Variants in DPP10 observed in about 807,000 individuals in gnomAD.
The protein encoded by DPP10 is dipeptidyl peptidase like 10.
In DPP10, 33 loss-of-function variants were observed where a neutral mutation model predicts 120.9. The ratio of observed to expected loss-of-function variants is 0.27; its 90% CI spans 0.21 to 0.37. The LOEUF is 0.37. DPP10 is among the 10% of genes least tolerant of loss of function. The pLI is 1.00. For missense variants in DPP10, 816 were observed against 942.8 expected (o/e 0.87, Z 1.76); for synonymous variants, 337 against 326.1 (o/e 1.03, Z -0.36).
At chr2:114,702,561 G>C (rs1482752193) in intron 1 of DPP10, among the ~76,000 whole-genome samples, 3 of 152,024 alleles carry the variant, frequency 2.0e-5, no homozygotes, top group Non-Finnish European at 2.9e-5. Context: ...ATGCTGCCCT[G>C]TTACCTCGTA....
chr2:115,459,675 G>C (rs1245553220), intron 3 of DPP10, among the ~76,000 whole-genome samples: 1 of 151,694 alleles, frequency 6.6e-6, no homozygotes, highest in Non-Finnish European at 1.5e-5. Context: ...GGAAATTTGG[G>C]CCATGTAAAG....
chr2:115,537,567 T>TG (rs1217750642), intron 5 of DPP10, among the ~76,000 whole-genome samples: 11 of 150,824 alleles, frequency 7.3e-5, no homozygotes, highest in Admixed American at 3.3e-4. Flanking sequence ...ATCACTGTTT[T>TG]TTTTTTTTTT....
intron 1 of DPP10, among the ~76,000 whole-genome samples, chr2:115,084,604 T>C (rs991098278): frequency 8.5e-5 from 13 of 152,182 alleles, no homozygotes; most frequent in Non-Finnish European, 1.6e-4. Flanking sequence ...TCTTGAAACA[T>C]ATGGTGCTAG....
rs76053102 is a variant in DPP10 at position 115,537,097 on chromosome 2, C to G, written c.441+11125C>G. On this transcript the variant is annotated intron_variant, in intron 5 of 25. Coordinates refer to ENST00000410059, the MANE Select transcript of DPP10 (RefSeq NM_020868.6). ...TTCTATAGAAATAATATCATGTTCT[C>G]ATTTTAAACTGCAAGATGCAGGTTC... Among the ~76,000 whole-genome samples the G allele has an allele frequency of 1.8e-3, 268 of 152,088 alleles. 9 individuals carry two copies. The East Asian group carries it at 0.049, about 28-fold the overall frequency.
chr2:115,281,317 T>C (rs1394435373), intron 1 of DPP10, among the ~76,000 whole-genome samples: 1 of 152,194 alleles, frequency 6.6e-6, no homozygotes, highest in Non-Finnish European at 1.5e-5. Context: ...TTATTCTCCC[T>C]GTGCACCCAC....
intron 7 of DPP10, among the ~76,000 whole-genome samples, chr2:115,690,419 A>G (rs6733246): frequency 0.89 from 135,330 of 152,012 alleles, 62,165 homozygotes; most frequent in Non-Finnish European, 1. Flanking sequence ...TTATATATAT[A>G]TGTATGTGCA....
intron 1 of DPP10, chr2:115,297,160 T>C (rs1391179783): frequency 5.2e-6 from 1 of 190,722 alleles, no homozygotes; most frequent in Non-Finnish European, 1.2e-5. Flanking sequence ...GCCTGTATTA[T>C]ATCTACGAAG....
At chr2:114,969,957 T>G (rs72945812) in intron 1 of DPP10, among the ~76,000 whole-genome samples, 3,381 of 152,282 alleles carry the variant, frequency 0.022, 126 homozygotes, top group African/African-American at 0.078. Flanking sequence ...ATAGATGCTA[T>G]TATTATTTGC....
chr2:115,596,102 A>C (rs1037057392), intron 5 of DPP10, among the ~76,000 whole-genome samples: 36 of 152,268 alleles, frequency 2.4e-4, no homozygotes, highest in South Asian at 2.1e-4. Context: ...AGAAGAACTC[A>C]TGTCTATTTG....
At chr2:115,279,038 T>C (rs1040592956) in intron 1 of DPP10, among the ~76,000 whole-genome samples, 1 of 152,150 alleles carries the variant, frequency 6.6e-6, no homozygotes, top group Non-Finnish European at 1.5e-5. Flanking sequence ...TAGGTTATGA[T>C]TTATTAGATT....
intron 5 of DPP10, among the ~76,000 whole-genome samples, chr2:115,549,321 A>C (rs1006330032): frequency 6.6e-6 from 1 of 152,124 alleles, no homozygotes; most frequent in East Asian, 1.9e-4. Flanking sequence ...GTGTGTGATC[A>C]GTCTTCTCCC....
intron 1 of DPP10, among the ~76,000 whole-genome samples, chr2:114,616,768 A>G (rs1693706789): frequency 6.6e-6 from 1 of 152,082 alleles, no homozygotes; most frequent in East Asian, 1.9e-4. Context: ...ATGGTGTCAG[A>G]CTGTAACTCC....
At chr2:115,156,628 T>C (rs2051932327) in intron 1 of DPP10, among the ~76,000 whole-genome samples, 1 of 152,226 alleles carries the variant, frequency 6.6e-6, no homozygotes, top group Non-Finnish European at 1.5e-5. Flanking sequence ...GTAACCACTA[T>C]GAAGTCTAAA....
At chr2:115,184,060 G>T (rs186589226) in intron 1 of DPP10, among the ~76,000 whole-genome samples, 10 of 152,186 alleles carry the variant, frequency 6.6e-5, no homozygotes, top group Admixed American at 5.2e-4. Flanking sequence ...CTTTGGACTC[G>T]CAGCCCAGAC....
intron 1 of DPP10, among the ~76,000 whole-genome samples, chr2:114,896,098 T>C (rs1242088655): frequency 1.3e-5 from 2 of 152,230 alleles, no homozygotes; most frequent in African/African-American, 4.8e-5. Context: ...TCTATATCTC[T>C]GTTTTGGTAA....
At chr2:114,857,184 G>T (rs1054758390) in intron 1 of DPP10, among the ~76,000 whole-genome samples, 1 of 152,068 alleles carries the variant, frequency 6.6e-6, no homozygotes, top group Non-Finnish European at 1.5e-5. Context: ...AGTTTCTAGT[G>T]CATCCAATAG....
chr2:115,782,865 G>A (rs936768248), intron 17 of DPP10, among the ~76,000 whole-genome samples: 3 of 152,012 alleles, frequency 2.0e-5, no homozygotes, highest in African/African-American at 7.2e-5. Context: ...TTTCATTTAT[G>A]AATTTATTCA....
chr2:115,022,490 A>G (rs1305265940), intron 1 of DPP10, among the ~76,000 whole-genome samples: 1 of 152,102 alleles, frequency 6.6e-6, no homozygotes, highest in Non-Finnish European at 1.5e-5. Flanking sequence ...CACTGCTGAA[A>G]GAAAACATAG....
At chr2:115,598,852 A>G (rs908632105) in intron 5 of DPP10, among the ~76,000 whole-genome samples, 1 of 144,944 alleles carries the variant, frequency 6.9e-6, no homozygotes, top group Non-Finnish European at 1.5e-5. Context: ...TTTGGAGTGT[A>G]GGTTTGACAG....
Sources: gnomAD v4.1 joint callset for allele counts (sites outside exome capture counted in the v4.1 genomes callset) on GRCh38, gnomAD v4.1.1 for gene constraint, MANE v1.5 for transcripts, NCBI Gene and HGNC (gene_info 2026-07-23, HGNC 2026-07-21) for gene names.